The following ENPP2 variants were observed in gnomAD, a reference collection of about 807,000 sequenced individuals.
ENPP2 encodes the protein ectonucleotide pyrophosphatase/phosphodiesterase 2.
Under a neutral mutation model 120.2 loss-of-function variants are expected in ENPP2, and 51 were observed. The observed-to-expected ratio is 0.42, with a 90% CI of 0.34 to 0.54. ENPP2 has a LOEUF of 0.54. Ranked by LOEUF, ENPP2 falls within the 20% of genes least tolerant of loss-of-function variation. The pLI is 0.04. For synonymous variants in ENPP2, 365 were observed against 366.4 expected (o/e 1.00, Z 0.04); for missense variants, 920 against 1,066.5 (o/e 0.86, Z 1.91).
intron 8 of ENPP2, among the ~76,000 whole-genome samples, chr8:119,609,021 G>C (rs1365644532): frequency 1.3e-5 from 2 of 152,178 alleles, no homozygotes; most frequent in African/African-American, 2.4e-5. Flanking sequence ...GAGAATTGTG[G>C]TTTGCCTAAG....
chr8:119,672,042 A>G (rs1485900074), intron 1 of ENPP2, among the ~76,000 whole-genome samples: 5 of 152,142 alleles, frequency 3.3e-5, no homozygotes, highest in Non-Finnish European at 2.9e-5. Context: ...TGGTTTTGCT[A>G]CAAGGAGGTC....
At chr8:119,613,044 T>C (rs1815222928) in intron 8 of ENPP2, among the ~76,000 whole-genome samples, 1 of 152,206 alleles carries the variant, frequency 6.6e-6, no homozygotes, top group South Asian at 2.1e-4. Flanking sequence ...AGGAATCCCA[T>C]TCATTCCTCC....
Position 119,617,484 on chromosome 8 carries a change from G to A in ENPP2, c.559C>T (p.Pro187Ser). The A allele has an allele frequency of 1.2e-6, 2 of 1,609,772 alleles. No individual in the cohort carries two copies. Among genetic ancestry groups the A allele is most frequent in the Non-Finnish European group, 1.7e-6 (2 of 1,176,442 alleles). The change falls in exon 6 of 25, where the codon CCT (proline) becomes TCT (serine). Residue 187 changes from proline (P) to serine (S), a missense_variant. Pro to Ser is a moderately conservative substitution (Grantham distance 74). Coordinates refer to ENST00000075322, the MANE Select transcript of ENPP2 (RefSeq NM_001040092.3). Reference sequence around the variant, plus strand: ...TACTTACTTAGTTTTTCAATATTAGGCATGACTTTGCTGCCTTTCTTCATG... The same window carrying A: ...TACTTACTTAGTTTTTCAATATTAGACATGACTTTGCTGCCTTTCTTCATG... ...SYMKKGSKVM[P>S]NIEKLRSCGT...
At chr8:119,616,795 T>C (rs1815486062) in intron 7 of ENPP2, among the ~76,000 whole-genome samples, 1 of 152,148 alleles carries the variant, frequency 6.6e-6, no homozygotes, top group Admixed American at 6.5e-5. Context: ...ATAAATTATG[T>C]TTTAAAGAAG....
intron 11 of ENPP2, among the ~76,000 whole-genome samples, chr8:119,600,420 C>T (rs1814216271): frequency 6.6e-6 from 1 of 152,210 alleles, no homozygotes; most frequent in African/African-American, 2.4e-5. Flanking sequence ...GGCTAGAATA[C>T]ACCCCATCTC....
At chr8:119,581,241 G>C (rs1812708963) in intron 18 of ENPP2, 1 of 149,128 alleles carries the variant, frequency 6.7e-6, no homozygotes, top group Non-Finnish European at 1.5e-5. Context: ...ACTCCAGCCT[G>C]GGCAACAGAG....
chr8:119,566,027 T>C (rs2130001185), intron 22 of ENPP2, among the ~76,000 whole-genome samples: 1 of 152,318 alleles, frequency 6.6e-6, no homozygotes, highest in African/African-American at 2.4e-5. Flanking sequence ...AAGACTTTCT[T>C]CCTGTCCCCT....
Position 119,616,289 on chromosome 8 carries a change from A to G in ENPP2, c.753T>C (p.Asn251=). ...CCGGTTGACCTCCCCACCATCTATGATTAAATTTCTCTCGCCCTCGCAGAT... is the reference window on the plus strand; with the variant it reads ...CCGGTTGACCTCCCCACCATCTATGGTTAAATTTCTCTCGCCCTCGCAGAT... ...TFHLRGREKF[N]HRWWGGQPLW... The change falls in exon 8 of 25, where the codon AAT becomes AAC. Residue 251 remains asparagine (N), a synonymous_variant. Coordinates refer to ENST00000075322, the MANE Select transcript of ENPP2 (RefSeq NM_001040092.3). 3.1e-6 allele frequency: 5 copies of G among 1,607,448 alleles called. No individual in the cohort carries two copies. Among genetic ancestry groups the G allele is most frequent in the Non-Finnish European group, 1.7e-6 (2 of 1,175,290 alleles).
At chr8:119,650,996 CTAGAGT>C (rs1319323570) in intron 1 of ENPP2, among the ~76,000 whole-genome samples, 1 of 150,828 alleles carries the variant, frequency 6.6e-6, no homozygotes, top group East Asian at 1.9e-4. Context: ...GCCCTATGAA[CTAGAGT>C]TAATGTCAGA....
At chr8:119,596,371 A>G (rs1165333582) in intron 11 of ENPP2, among the ~76,000 whole-genome samples, 1 of 152,188 alleles carries the variant, frequency 6.6e-6, no homozygotes, top group African/African-American at 2.4e-5. Context: ...AAAGCTCTCC[A>G]TTTATAAAGA....
rs754772141 is a variant in ENPP2 at position 119,582,385 on chromosome 8, C to T, written c.1728+33G>A. 1.9e-6 allele frequency: 3 copies of T among 1,576,438 alleles called. No individual in the cohort carries two copies. In the South Asian group the frequency reaches 3.4e-5, roughly 18 times the overall value. On this transcript the variant is annotated intron_variant, in intron 18 of 24. Transcript: ENST00000075322. ...CCAGCACTGTTAGCCACCCAACAAA[C>T]TTCTCCATAATAAACATAAAGATTA... is the stretch of plus-strand genomic sequence containing the variant.
At chr8:119,562,533 A>T (rs1208981290) in intron 24 of ENPP2, among the ~76,000 whole-genome samples, 2 of 152,218 alleles carry the variant, frequency 1.3e-5, no homozygotes, top group Non-Finnish European at 2.9e-5. Flanking sequence ...ACAATTATCA[A>T]AATTTTGCTA....
intron 24 of ENPP2, among the ~76,000 whole-genome samples, 184 bp from the exon 25 acceptor site, chr8:119,557,875 C>G (rs1419838719): frequency 6.6e-6 from 1 of 152,206 alleles, no homozygotes; most frequent in African/African-American, 2.4e-5. Flanking sequence ...CCACAAATAC[C>G]TGCCCTTGGC....
intron 8 of ENPP2, among the ~76,000 whole-genome samples, chr8:119,609,999 G>GA (rs1301563036): frequency 1.3e-5 from 2 of 152,130 alleles, no homozygotes; most frequent in African/African-American, 4.8e-5. Context: ...AATCCTTAGG[G>GA]AAAAAAGATC....
chr8:119,557,486 C>A lies in ENPP2; in HGVS notation c.*35G>T. The A allele has an allele frequency of 6.7e-7, 1 of 1,491,246 alleles. No individual in the cohort carries two copies. Among genetic ancestry groups the A allele is most frequent in the African/African-American group, 1.4e-5 (1 of 70,212 alleles). 92.4% of individuals were successfully genotyped at this position (1,491,246 alleles called of 1,614,324 possible). ...CAAAAACAATATAAAAATATACAACCAGTTGATAAGACTGTACTGCAGATG... is the reference window on the plus strand; with the variant it reads ...CAAAAACAATATAAAAATATACAACAAGTTGATAAGACTGTACTGCAGATG... On this transcript the variant is annotated 3_prime_UTR_variant, in exon 25 of 25. Transcript: ENST00000075322.
At position 119,651,129 on chromosome 8, in the gene ENPP2, C is replaced by G. The variant is rs532273479; in HGVS notation, c.22-12602G>C. 1.8e-4 allele frequency among the ~76,000 whole-genome samples: 27 copies of G among 152,148 alleles called. No homozygotes were observed. In the South Asian group the frequency reaches 5.6e-3, roughly 32 times the overall value. On this transcript the variant is annotated intron_variant, in intron 1 of 25. Transcript: ENST00000427067. ...AGGGAGATCAGGACAGCTCATATGG[C>G]AGATGGGCATGTATTATAATGGTTA...
chr8:119,572,557 C>T, intron 19 of ENPP2: 1 of 296,378 alleles, frequency 3.4e-6, no homozygotes, highest in Non-Finnish European at 6.4e-6. Flanking sequence ...GCAACACTCT[C>T]TTCACAATTG....
chr8:119,652,570 T>A (rs753100315), intron 1 of ENPP2, among the ~76,000 whole-genome samples: 6 of 152,152 alleles, frequency 3.9e-5, no homozygotes, highest in African/African-American at 7.2e-5. Flanking sequence ...CCTCTTCCTG[T>A]CCCTTTCAGC....
At chr8:119,613,500 C>T (rs929678392) in intron 8 of ENPP2, among the ~76,000 whole-genome samples, 2 of 152,048 alleles carry the variant, frequency 1.3e-5, no homozygotes, top group Admixed American at 1.3e-4. Context: ...TTTAGTCCCT[C>T]AGTAAAAATA....
Sources: allele counts gnomAD v4.1 joint callset (sites outside exome capture counted in the v4.1 genomes callset), GRCh38; gene constraint gnomAD v4.1.1; transcripts MANE v1.5; gene names NCBI Gene and HGNC (gene_info 2026-07-23, HGNC 2026-07-21).